DNAH12: variants seen among roughly 807,000 people sequenced by gnomAD.
DNAH12 encodes the protein axonemal beta dynein heavy chain 12.
DNAH12 carries 285 observed loss-of-function variants against 371.5 expected under a neutral mutation model. That is an observed-to-expected ratio of 0.77 (90% CI 0.70 to 0.85). DNAH12 has a LOEUF of 0.85. Among genes scored for constraint, DNAH12 ranks in the 40% least tolerant of loss-of-function variants. The probability of loss-of-function intolerance (pLI) is 0.00; values close to 1 mark genes in which losing one functional copy is unlikely to be tolerated. For missense variants in DNAH12, 3,611 were observed against 3,689.4 expected (o/e 0.98, Z 0.55); for synonymous variants, 1,200 against 1,213.0 (o/e 0.99, Z 0.22).
At chr3:57,295,071 A>C (rs2061205553) in intron 73 of DNAH12, among the ~76,000 whole-genome samples, 1 of 152,166 alleles carries the variant, frequency 6.6e-6, no homozygotes, top group African/African-American at 2.4e-5. Flanking sequence ...ATTGGCCCCC[A>C]CCCCATGTGG....
chr3:57,446,044 G>A lies in DNAH12; in HGVS notation c.4166C>T (p.Pro1389Leu), dbSNP rs1289799886. ...NPGYAGRSELPDNLKVLFRTV... is the reference protein window; with the variant it reads ...NPGYAGRSELLDNLKVLFRTV... ...AAATAATATTACCTTAAGATTGTCC[G>A]GCAATTCAGAGCGTCCTGCATAGCC... Residue 1389 changes from proline to leucine, a missense_variant, in exon 27 of 74, where the codon CCG (proline) becomes CTG (leucine). Physicochemically the swap from Pro to Leu is moderately conservative, Grantham distance 98 (BLOSUM62 -3). Coordinates refer to ENST00000495027, the MANE Select transcript of DNAH12 (RefSeq NM_001366028.2). The A allele has an allele frequency of 1.2e-5, 19 of 1,547,160 alleles. No individual in the cohort carries two copies. In the East Asian group the frequency reaches 1.5e-4, roughly 12 times the overall value.
chr3:57,473,021 A>C (rs2066410933), intron 13 of DNAH12, among the ~76,000 whole-genome samples: 1 of 136,426 alleles, frequency 7.3e-6, no homozygotes, highest in Non-Finnish European at 1.6e-5. Context: ...AAAGGATTTT[A>C]AATTATTTTA....
At position 57,510,792 on chromosome 3, in the gene DNAH12, A is replaced by G. The variant is rs1156819199; in HGVS notation, c.467T>C (p.Leu156Ser). Reference sequence around the variant, plus strand: ...GGTGTGTGTTAGATGCTACTTACCCAAATATCTCTTCATGCTGTTTTCAAA... The same window carrying G: ...GGTGTGTGTTAGATGCTACTTACCCGAATATCTCTTCATGCTGTTTTCAAA... ...SDFENSMKRY[L>S]VQSVLVKPPV... is the part of the protein sequence containing the mutation. Residue 156 changes from leucine to serine, a missense_variant and splice_region_variant, in exon 5 of 74, where the codon TTG (leucine) becomes TCG (serine). This residue lies in a region of DNAH12 where 1,314 missense variants were observed against 1,398.7 expected (regional missense o/e 0.94). Transcript: ENST00000495027. 1.5e-5 allele frequency: 24 copies of G among 1,613,600 alleles called. 1 individual carries two copies. The Admixed American group carries it at 4.0e-4, about 27-fold the overall frequency.
intron 65 of DNAH12, 66 bp from the exon 66 acceptor site, chr3:57,314,697 G>A (rs1575437864): frequency 6.9e-7 from 1 of 1,442,596 alleles, no homozygotes; most frequent in Non-Finnish European, 9.2e-7. Context: ...AAAATGAGAG[G>A]AATAGATAAA....
At chr3:57,498,429 A>G in intron 11 of DNAH12, 1 of 703,770 alleles carries the variant, frequency 1.4e-6, no homozygotes, top group African/African-American at 1.7e-5. Flanking sequence ...TAATCCTTTC[A>G]CCTCAGCCTC....
At chr3:57,302,530 TATATATATATATATATATATA>T (rs1281163636) in intron 69 of DNAH12, among the ~76,000 whole-genome samples, 4 of 17,526 alleles carry the variant, frequency 2.3e-4, no homozygotes, top group African/African-American at 7.8e-4. Context: ...GCATCAGGTG[TATATATATATATATATATATA>T]TATATATATA....
At chr3:57,477,712 C>A (rs1448275638) in intron 13 of DNAH12, among the ~76,000 whole-genome samples, 1 of 152,278 alleles carries the variant, frequency 6.6e-6, no homozygotes, top group Non-Finnish European at 1.5e-5. Flanking sequence ...GCCGGGTACT[C>A]TTCTGAGACA....
chr3:57,429,650 A>C, intron 33 of DNAH12, 41 bp downstream of exon 33: 1 of 1,488,760 alleles, frequency 6.7e-7, no homozygotes, highest in Non-Finnish European at 9.0e-7. Flanking sequence ...TAAAGAATGA[A>C]GAAATGAACA....
rs536021985 is a variant in DNAH12, at chr3:57,423,191, A to G, written c.5374-1485T>C. On this transcript the variant is annotated intron_variant, in intron 35 of 73. Coordinates refer to ENST00000495027, the MANE Select transcript of DNAH12 (RefSeq NM_001366028.2). ...AAATTTCACCTAGATATCAATCTGTATAACTCTCTTGAAGTGATTCTGAAC... is the reference window on the plus strand; with the variant it reads ...AAATTTCACCTAGATATCAATCTGTGTAACTCTCTTGAAGTGATTCTGAAC... Among the ~76,000 whole-genome samples the G allele has an allele frequency of 4.1e-4, 63 of 152,300 alleles. No individual in the cohort carries two copies. In the South Asian group the frequency reaches 0.012, roughly 28 times the overall value.
chr3:57,310,885 A>G lies in DNAH12; in HGVS notation c.10728T>C (p.Asn3576=). 1.3e-6 allele frequency: 2 copies of G among 1,551,618 alleles called. No homozygotes were observed. Among genetic ancestry groups the G allele is most frequent in the Non-Finnish European group, 1.7e-6 (2 of 1,146,914 alleles). ...AATCGTCTGTCACTCTTCCTCCATA[A>G]TTACACTCCCCAGTCAGGTAAGATA... ...EAISYLTGEC[N]YGGRVTDDWD... is the part of the protein sequence containing the mutation. The change falls in exon 67 of 74, where the codon AAT becomes AAC. Residue 3576 remains asparagine, a synonymous_variant. Transcript: ENST00000495027.
chr3:57,508,233 A>G, intron 7 of DNAH12, 149 bp downstream of exon 7: 1 of 845,516 alleles, frequency 1.2e-6, no homozygotes, highest in Non-Finnish European at 1.7e-6. Flanking sequence ...AACCCACACA[A>G]TTGTTGAAAC....
chr3:57,308,763 C>G (rs1401061669), intron 69 of DNAH12, among the ~76,000 whole-genome samples: 2 of 152,214 alleles, frequency 1.3e-5, no homozygotes, highest in Non-Finnish European at 2.9e-5. Flanking sequence ...TGAACCTCCT[C>G]AGGCACTCTC....
intron 17 of DNAH12, among the ~76,000 whole-genome samples, chr3:57,465,376 C>A (rs1171259718): frequency 6.6e-6 from 1 of 152,074 alleles, no homozygotes; most frequent in East Asian, 1.9e-4. Flanking sequence ...TAAAAAAACT[C>A]TTTCAGAAAT....
Position 57,453,392 on chromosome 3 carries a change from C to G in DNAH12, c.3468G>C (p.Lys1156Asn). ...GTTGGTTCTGAAGTTCCTTATAATACTTCTTTAATCCCTACAAAATAAAAA... is the reference window on the plus strand; with the variant it reads ...GTTGGTTCTGAAGTTCCTTATAATAGTTCTTTAATCCCTACAAAATAAAAA... ...VISGGTEGLK[K>N]YYKELQNQLN... Residue 1156 changes from lysine to asparagine, a missense_variant, in exon 24 of 74, where the codon AAG becomes AAC. Physicochemically the swap from Lys to Asn is moderately conservative, Grantham distance 94 (BLOSUM62 0). Around this residue, in one of 3 missense-constraint regions of DNAH12, gnomAD observed 1,314 missense variants for 1,398.7 expected, o/e 0.94. Coordinates refer to ENST00000495027, the MANE Select transcript of DNAH12 (RefSeq NM_001366028.2). 1 of 1,533,820 alleles carries G rather than the reference C, an allele frequency of 6.5e-7. No homozygotes were observed. Among genetic ancestry groups the G allele is most frequent in the Non-Finnish European group, 8.8e-7 (1 of 1,142,060 alleles).
intron 39 of DNAH12, among the ~76,000 whole-genome samples, chr3:57,412,349 ACTC>A (rs1553683310): frequency 1.3e-5 from 2 of 152,134 alleles, no homozygotes; most frequent in African/African-American, 4.8e-5. Flanking sequence ...ATACTATAAA[ACTC>A]CTAGGAGATA....
chr3:57,413,362 T>A (rs139389627), intron 39 of DNAH12, among the ~76,000 whole-genome samples: 1 of 152,170 alleles, frequency 6.6e-6, no homozygotes, highest in African/African-American at 2.4e-5. Context: ...ATTATAATGA[T>A]GGACACATAT....
chr3:57,367,438 G>A (rs1308367274), intron 56 of DNAH12, among the ~76,000 whole-genome samples: 1 of 152,128 alleles, frequency 6.6e-6, no homozygotes, highest in African/African-American at 2.4e-5. Flanking sequence ...CATTTTCTCT[G>A]GTTGTCATAG....
chr3:57,309,012 G>A (rs1575430248), intron 69 of DNAH12, 139 bp downstream of exon 69: 1 of 563,798 alleles, frequency 1.8e-6, no homozygotes, highest in East Asian at 3.2e-5. Flanking sequence ...GCTTGAAGCA[G>A]CCCTGAGAAA....
chr3:57,425,001 T>C (rs1559644109), intron 35 of DNAH12, 21 bp downstream of exon 35: 4 of 694,542 alleles, frequency 5.8e-6, no homozygotes, highest in East Asian at 2.7e-5. Context: ...AATTAAAAAC[T>C]ACATGAAGTA....
Sources: gnomAD v4.1 joint callset for allele counts (sites outside exome capture counted in the v4.1 genomes callset) on GRCh38, gnomAD v4.1.1 for gene constraint, gnomAD v4.1.1 regional missense constraint, MANE v1.5 for transcripts, NCBI Gene and HGNC (gene_info 2026-07-23, HGNC 2026-07-21) for gene names.